Variants in TG observed in about 807,000 individuals in gnomAD.
TG encodes thyroglobulin.
TG carries 270 observed loss-of-function variants against 324.7 expected under a neutral mutation model. That is an observed-to-expected ratio of 0.83 (90% CI 0.75 to 0.92). The LOEUF is 0.92. Ranked by LOEUF, TG falls within the 40% of genes least tolerant of loss-of-function variation. The pLI is 0.00. For synonymous variants in TG, 1,401 were observed against 1,327.0 expected (o/e 1.06, Z -1.21); for missense variants, 3,591 against 3,456.4 (o/e 1.04, Z -0.98).
In TG at chr8:132,888,037, G is replaced by C; in HGVS notation, c.2230G>C (p.Ala744Pro). 3.7e-6 allele frequency: 6 copies of C among 1,614,104 alleles called. No individual in the cohort carries two copies. Among genetic ancestry groups the C allele is most frequent in the Non-Finnish European group, 5.1e-6 (6 of 1,180,034 alleles). Residue 744 changes from alanine to proline, a missense_variant, in exon 10 of 48, where the codon GCC becomes CCC. Transcript: ENST00000220616. ...SEQAFLRTVQ[A>P]LLSNSSMLPT... Reference sequence around the variant, plus strand: ...GCAAGCTTTCCTCAGGACGGTGCAGGCCCTGCTCTCTAACTCCAGCATGCT... The same window carrying C: ...GCAAGCTTTCCTCAGGACGGTGCAGCCCCTGCTCTCTAACTCCAGCATGCT...
intron 41 of TG, among the ~76,000 whole-genome samples, chr8:133,054,060 A>G (rs1840910839): frequency 2.0e-5 from 3 of 152,332 alleles, no homozygotes; most frequent in South Asian, 2.1e-4. Flanking sequence ...GCCTGGTGCC[A>G]GGATCCCTTC....
chr8:132,952,305 G>A (rs922370812), intron 27 of TG, among the ~76,000 whole-genome samples: 2 of 152,194 alleles, frequency 1.3e-5, no homozygotes, highest in South Asian at 2.1e-4. Context: ...AGGGCTGGGA[G>A]TGAAAATGCC....
intron 21 of TG, among the ~76,000 whole-genome samples, chr8:132,920,236 T>C (rs1820921717): frequency 6.6e-6 from 1 of 152,170 alleles, no homozygotes; most frequent in Admixed American, 6.5e-5. Context: ...CTGGGTATTG[T>C]TGGGTTTTTT....
At chr8:133,071,088 G>A (rs1350496656) in intron 41 of TG, among the ~76,000 whole-genome samples, 2 of 152,210 alleles carry the variant, frequency 1.3e-5, no homozygotes, top group African/African-American at 2.4e-5. Context: ...CCAGCTGGAG[G>A]CCTCCCTGTG....
At chr8:132,882,402 G>C (rs1814771043) in intron 6 of TG, 67 bp from the exon 7 acceptor site, 9 of 1,580,718 alleles carry the variant, frequency 5.7e-6, no homozygotes, top group Non-Finnish European at 7.8e-6. Flanking sequence ...GTATCTGTTT[G>C]CACAACAAGG....
chr8:132,915,973 G>A (rs745384133), intron 20 of TG, among the ~76,000 whole-genome samples: 2 of 152,144 alleles, frequency 1.3e-5, no homozygotes, highest in African/African-American at 2.4e-5. Flanking sequence ...AGTACCTGTC[G>A]CTCACTGAGT....
chr8:132,949,103 G>GTT, intron 27 of TG, among the ~76,000 whole-genome samples, 160 bp downstream of exon 27: 1 of 151,846 alleles, frequency 6.6e-6, no homozygotes, highest in East Asian at 1.9e-4. Flanking sequence ...AACAACCCTA[G>GTT]CTTTTCAGCA....
At chr8:132,879,935 G>GC in intron 5 of TG, among the ~76,000 whole-genome samples, 1 of 152,354 alleles carries the variant, frequency 6.6e-6, no homozygotes, top group African/African-American at 2.4e-5. Context: ...GGTTGAATTA[G>GC]CGAAGCATGG....
In TG at chr8:133,095,216, C is replaced by A; in HGVS notation, c.7404+8C>A. 1 of 1,614,206 alleles carries A rather than the reference C, an allele frequency of 6.2e-7. No homozygotes were observed. Reference sequence around the variant, plus strand: ...AATGATGCCCAGACCAAGGTGAGCACTTAAGTGCAAGTTGGGAAGGGACAT... The same window carrying A: ...AATGATGCCCAGACCAAGGTGAGCAATTAAGTGCAAGTTGGGAAGGGACAT... On this transcript the variant is annotated splice_region_variant and intron_variant, in intron 42 of 47. Coordinates refer to ENST00000220616, the MANE Select transcript of TG (RefSeq NM_003235.5).
chr8:132,923,477 A>G lies in TG; in HGVS notation c.4668A>G (p.Thr1556=), dbSNP rs1587422261. 1 of 1,614,020 alleles carries G rather than the reference A, an allele frequency of 6.2e-7. No individual in the cohort carries two copies. The highest frequency in any genetic ancestry group is 1.1e-5 in the South Asian group (1 of 91,074). ...GGCGGAGGCTGCCATGGTGGGAAAC[A>G]GAGGCCCCTCTTGAGGACTCACAGT... The part of the protein sequence containing the change: ...GEGRRLPWWE[T]EAPLEDSQCL... Residue 1556 remains threonine (T), a synonymous_variant, in exon 22 of 48, where the codon ACA becomes ACG. Transcript: ENST00000220616.
chr8:132,946,006 T>A lies in TG; in HGVS notation c.5234-2770T>A, dbSNP rs1323318165. ...TGTTCTATGATTATGTGATGTGGAT[T>A]CCTGTTAGTGTTTAGATAGGAAAAA... On this transcript the variant is annotated intron_variant, in intron 26 of 47. Coordinates refer to ENST00000220616, the MANE Select transcript of TG (RefSeq NM_003235.5). 2.6e-5 allele frequency among the ~76,000 whole-genome samples: 4 copies of A among 151,456 alleles called. No homozygotes were observed. In the Admixed American group the frequency reaches 2.6e-4, roughly 10 times the overall value.
chr8:132,999,493 C>T lies in TG; in HGVS notation c.6263-12408C>T, dbSNP rs576866363. ...AGCATACAAACTCCCTGTCAAGCTG[C>T]CTGTAGGATTTTTGGTTCCCAGGTG... On this transcript the variant is annotated intron_variant, in intron 35 of 47. Transcript: ENST00000220616. 2.0e-5 allele frequency among the ~76,000 whole-genome samples: 3 copies of T among 152,312 alleles called. No individual in the cohort carries two copies. In the East Asian group the frequency reaches 5.8e-4, roughly 29 times the overall value.
At chr8:132,882,360 C>T (rs368137090) in intron 6 of TG, 109 bp from the exon 7 acceptor site, 29 of 1,285,600 alleles carry the variant, frequency 2.3e-5, no homozygotes, top group Middle Eastern at 3.6e-4. Context: ...AGACTTATTG[C>T]CTAATGATGC....
chr8:133,094,386 G>A (rs950674972), intron 41 of TG, among the ~76,000 whole-genome samples: 6 of 151,644 alleles, frequency 4.0e-5, no homozygotes, highest in South Asian at 2.1e-4. Context: ...GACTACAGGC[G>A]CCCGTCACCA....
chr8:132,894,245 C>T (rs953539450), intron 11 of TG, among the ~76,000 whole-genome samples: 6 of 152,180 alleles, frequency 3.9e-5, no homozygotes, highest in Middle Eastern at 3.2e-3. Context: ...ACACCCCTTA[C>T]GGCCTGCTCC....
In TG at chr8:133,049,182, G is replaced by A. The variant is rs77277549; in HGVS notation, c.7239+19159G>A. On this transcript the variant is annotated intron_variant, in intron 41 of 47. Coordinates refer to ENST00000220616, the MANE Select transcript of TG (RefSeq NM_003235.5). ...GAGGCTGCAGAGGCCTCACTGGAAC[G>A]ACTACAGGGGAAAGCAGGGTGCTTA... 3.4e-3 allele frequency: 1,551 copies of A among 456,376 alleles called. 18 individuals are homozygous for A. Among genetic ancestry groups the A allele is most frequent in the African/African-American group, 0.027 (1,346 of 50,172 alleles). The allele number at this position is 456,376 out of a possible 1,614,324, so 28.3% of individuals were successfully genotyped here.
intron 30 of TG, 46 bp downstream of exon 30, chr8:132,966,743 C>G: frequency 6.2e-7 from 1 of 1,611,972 alleles, no homozygotes; most frequent in Non-Finnish European, 8.5e-7. Flanking sequence ...ACACTGTAGT[C>G]AGGCATCACA....
At chr8:133,127,162 C>T (rs1851585561) in intron 45 of TG, among the ~76,000 whole-genome samples, 1 of 152,222 alleles carries the variant, frequency 6.6e-6, no homozygotes, top group African/African-American at 2.4e-5. Flanking sequence ...CTCACCTCAT[C>T]ATAAGGGGAA....
chr8:133,050,628 C>A, intron 41 of TG: 1 of 536,892 alleles, frequency 1.9e-6, no homozygotes, highest in Non-Finnish European at 3.3e-6. Context: ...CAGTGGGGAG[C>A]TATGGAAGGT....
Sources: gnomAD v4.1 joint callset for allele counts (sites outside exome capture counted in the v4.1 genomes callset) on GRCh38, gnomAD v4.1.1 for gene constraint, MANE v1.5 for transcripts, NCBI Gene and HGNC (gene_info 2026-07-23, HGNC 2026-07-21) for gene names.